The following CDH18 variants were observed in gnomAD, a reference collection of about 807,000 sequenced individuals.
CDH18 encodes the protein cadherin 18.
A neutral mutation model predicts 67.9 loss-of-function variants in CDH18; 31 were observed. The observed-to-expected ratio is 0.46, with a 90% confidence interval of 0.34 to 0.62. CDH18 has a LOEUF of 0.62. Among genes scored for constraint, CDH18 ranks in the 20% least tolerant of loss-of-function variants. The pLI is 0.01. For synonymous variants in CDH18, 362 were observed against 347.2 expected (o/e 1.04, Z -0.48); for missense variants, 890 against 975.5 (o/e 0.91, Z 1.17).
intron 2 of CDH18, among the ~76,000 whole-genome samples, chr5:19,936,478 T>G (rs1361749945): frequency 6.6e-6 from 1 of 151,214 alleles, no homozygotes; most frequent in Non-Finnish European, 1.5e-5. Context: ...TTTAAAATTT[T>G]TAAAGCAATA....
At chr5:19,573,284 C>CTT (rs538332321) in intron 7 of CDH18, among the ~76,000 whole-genome samples, 1 of 145,786 alleles carries the variant, frequency 6.9e-6, no homozygotes, top group South Asian at 2.2e-4. Context: ...GTTGCATACT[C>CTT]TTTTTTTTTT....
chr5:20,239,070 A>G (rs1284056492), intron 2 of CDH18, among the ~76,000 whole-genome samples: 1 of 152,234 alleles, frequency 6.6e-6, no homozygotes, highest in Non-Finnish European at 1.5e-5. Context: ...CTATTGATAC[A>G]TGCTATCATA....
intron 8 of CDH18, among the ~76,000 whole-genome samples, chr5:19,559,074 C>A (rs1383199938): frequency 6.6e-6 from 1 of 151,950 alleles, no homozygotes; most frequent in Admixed American, 6.6e-5. Flanking sequence ...TTGTTTGGAT[C>A]TTCTTGCTTC....
chr5:19,605,434 T>C (rs1261324283), intron 6 of CDH18, among the ~76,000 whole-genome samples: 4 of 152,030 alleles, frequency 2.6e-5, no homozygotes, highest in African/African-American at 9.7e-5. Context: ...ATTACTCATT[T>C]AAAGTTAATT....
In CDH18 at chr5:20,237,620, G is replaced by T. The variant is rs369666218; in HGVS notation, c.-518+17824C>A. Among the ~76,000 whole-genome samples, 4 of 151,882 alleles carry T rather than the reference G, an allele frequency of 2.6e-5. No individual in the cohort carries two copies. In the East Asian group the frequency reaches 5.8e-4, roughly 22 times the overall value. ...ATCTGATAAAATATATAAAATATCTGTACTATAAAAACTATAAAACAGTGA... is the reference window on the plus strand; with the variant it reads ...ATCTGATAAAATATATAAAATATCTTTACTATAAAAACTATAAAACAGTGA... On this transcript the variant is annotated intron_variant, in intron 2 of 14. Coordinates refer to the CDH18 transcript ENST00000507958.
chr5:19,570,594 T>G (rs1258500946), intron 8 of CDH18, among the ~76,000 whole-genome samples: 1 of 152,124 alleles, frequency 6.6e-6, no homozygotes, highest in Non-Finnish European at 1.5e-5. Flanking sequence ...ATGGTAAAAA[T>G]TAGAAAGATT....
At chr5:19,891,958 G>T (rs1384509503) in intron 2 of CDH18, among the ~76,000 whole-genome samples, 3 of 152,178 alleles carry the variant, frequency 2.0e-5, no homozygotes, top group East Asian at 1.9e-4. Context: ...TAAGGGCATT[G>T]TCTTGCTGAC....
rs530158461 is a variant in CDH18 at position 19,763,844 on chromosome 5, C to A, written c.229-16608G>T. On this transcript the variant is annotated intron_variant, in intron 3 of 12. Coordinates refer to ENST00000382275, the MANE Select transcript of CDH18 (RefSeq NM_004934.5). ...ACAAAAGCATATTAGTGTCCTGGAA[C>A]GAAGTAAAAATATAGCACATGAGGC... Among the ~76,000 whole-genome samples the A allele has an allele frequency of 6.7e-4, 101 of 151,588 alleles. 1 individual carries two copies. Among genetic ancestry groups the A allele is most frequent in the Non-Finnish European group, 1.1e-3 (73 of 67,862 alleles).
chr5:19,729,979 C>A (rs1326179322), intron 4 of CDH18, among the ~76,000 whole-genome samples: 1 of 151,960 alleles, frequency 6.6e-6, no homozygotes, highest in East Asian at 1.9e-4. Context: ...TCTGTCTCTG[C>A]CTTTCTGTCT....
chr5:20,313,317 C>T (rs1468801024), intron 1 of CDH18, among the ~76,000 whole-genome samples: 1 of 151,970 alleles, frequency 6.6e-6, no homozygotes, highest in Non-Finnish European at 1.5e-5. Context: ...TACTGACTTC[C>T]CCTTCTTCTA....
intron 1 of CDH18, among the ~76,000 whole-genome samples, chr5:20,431,657 C>T (rs1343998829): frequency 6.6e-6 from 1 of 152,094 alleles, no homozygotes; most frequent in Non-Finnish European, 1.5e-5. Flanking sequence ...AAGGTAGATG[C>T]CTTGCTCTGG....
intron 1 of CDH18, among the ~76,000 whole-genome samples, chr5:20,542,392 T>C (rs114412122): frequency 0.012 from 1,842 of 151,542 alleles, 30 homozygotes; most frequent in African/African-American, 0.042. Context: ...CATCATGGTC[T>C]TGTGGTAAGG....
chr5:20,328,989 A>G (rs1206105477), intron 1 of CDH18, among the ~76,000 whole-genome samples: 3 of 152,204 alleles, frequency 2.0e-5, no homozygotes, highest in Non-Finnish European at 4.4e-5. Context: ...TCAGAAATAA[A>G]ACCCCCCAAA....
At position 19,520,721 on chromosome 5, in the gene CDH18, T is replaced by C; in HGVS notation, c.1448A>G (p.Asp483Gly). The C allele has an allele frequency of 6.2e-7, 1 of 1,612,400 alleles. No individual in the cohort carries two copies. The highest frequency in any genetic ancestry group is 8.5e-7 in the Non-Finnish European group (1 of 1,178,538). Reference protein sequence around the residue: ...TVGIRVLDVNDNPPELAREYD... With the variant: ...TVGIRVLDVNGNPPELAREYD... ...TTCCCTGGCAAGTTCGGGTGGATTG[T>C]CATTGACATCCAGAACTCTAATACC... is the stretch of plus-strand genomic sequence containing the variant. Residue 483 changes from aspartate (D) to glycine (G), a missense_variant, in exon 10 of 13, where the codon GAC becomes GGC. By Grantham distance (94) the Asp-to-Gly change is moderately conservative (BLOSUM62 -1). This residue lies in a region of CDH18 where 656 missense variants were observed against 668.1 expected (regional missense o/e 0.98). Transcript: ENST00000382275.
At chr5:19,592,728 C>T (rs1241779536) in intron 6 of CDH18, among the ~76,000 whole-genome samples, 1 of 152,224 alleles carries the variant, frequency 6.6e-6, no homozygotes, top group African/African-American at 2.4e-5. Flanking sequence ...CACAACACAG[C>T]CTTGCTATTC....
intron 2 of CDH18, among the ~76,000 whole-genome samples, chr5:20,050,591 T>C (rs1741334001): frequency 6.6e-6 from 1 of 151,872 alleles, no homozygotes; most frequent in East Asian, 1.9e-4. Flanking sequence ...ATCCAAAATA[T>C]TGCCTAATTC....
chr5:19,535,430 A>C (rs183263539), intron 9 of CDH18, among the ~76,000 whole-genome samples: 1 of 152,274 alleles, frequency 6.6e-6, no homozygotes, highest in African/African-American at 2.4e-5. Context: ...ATAATAATAA[A>C]ATAATGTTTA....
chr5:19,964,206 T>C (rs1436813303), intron 2 of CDH18, among the ~76,000 whole-genome samples: 1 of 152,056 alleles, frequency 6.6e-6, no homozygotes, highest in African/African-American at 2.4e-5. Flanking sequence ...ATCAGATATA[T>C]GTTGTTTCAT....
rs919921734 is a variant in CDH18, at chr5:20,569,048, T to C, written c.-580+6414A>G. Among the ~76,000 whole-genome samples the C allele has an allele frequency of 4.6e-5, 7 of 152,222 alleles. No homozygotes were observed. The South Asian group carries it at 1.0e-3, about 23-fold the overall frequency. ...ACACTTTCTATTTTGAAGGGGCTTATACACATTAACCCACCTATTATACTA... is the reference window on the plus strand; with the variant it reads ...ACACTTTCTATTTTGAAGGGGCTTACACACATTAACCCACCTATTATACTA... On this transcript the variant is annotated intron_variant, in intron 1 of 14. Coordinates refer to the CDH18 transcript ENST00000507958.
Sources: gnomAD v4.1 joint callset for allele counts (sites outside exome capture counted in the v4.1 genomes callset) on GRCh38, gnomAD v4.1.1 for gene constraint, gnomAD v4.1.1 regional missense constraint, MANE v1.5 for transcripts, NCBI Gene and HGNC (gene_info 2026-07-23, HGNC 2026-07-21) for gene names.